The following FGF14 variants were observed in gnomAD, a reference collection of about 807,000 sequenced individuals.
FGF14 encodes fibroblast growth factor homologous factor 4.
FGF14 carries 5 observed loss-of-function variants against 25.5 expected under a neutral mutation model. The observed-to-expected ratio is 0.20, with a 90% CI of 0.10 to 0.41. The LOEUF (loss-of-function observed/expected upper bound fraction) is 0.41, where lower values mean the gene tolerates loss of function less well. Among genes scored for constraint, FGF14 ranks in the 10% least tolerant of loss-of-function variants. The pLI, the probability that FGF14 is intolerant of heterozygous loss-of-function variation, is 1.00. For missense variants in FGF14, 222 were observed against 320.1 expected (o/e 0.69, Z 2.34); for synonymous variants, 138 against 118.3 (o/e 1.17, Z -1.08).
chr13:102,062,312 G>C (rs547760621), intron 1 of FGF14, among the ~76,000 whole-genome samples: 1 of 151,208 alleles, frequency 6.6e-6, no homozygotes, highest in South Asian at 2.1e-4. Context: ...ATTCCAAAAA[G>C]GCCAAAAATC....
chr13:102,008,860 A>C (rs946111923), intron 1 of FGF14, among the ~76,000 whole-genome samples: 10 of 152,192 alleles, frequency 6.6e-5, no homozygotes, highest in African/African-American at 2.4e-4. Flanking sequence ...GGGAAAGATC[A>C]AGAAAGTGTC....
At chr13:101,906,182 T>A (rs147513020) in intron 1 of FGF14, among the ~76,000 whole-genome samples, 386 of 152,324 alleles carry the variant, frequency 2.5e-3, no homozygotes, top group African/African-American at 8.9e-3. Flanking sequence ...CAGTCTTCTC[T>A]ACCCCAAGTT....
intron 1 of FGF14, among the ~76,000 whole-genome samples, chr13:102,317,420 C>T (rs2056074452): frequency 6.6e-6 from 1 of 152,010 alleles, no homozygotes; most frequent in Non-Finnish European, 1.5e-5. Flanking sequence ...ATATTATGAA[C>T]CAACTGATAT....
intron 1 of FGF14, among the ~76,000 whole-genome samples, chr13:102,241,836 C>A (rs1257285461): frequency 6.6e-6 from 1 of 152,064 alleles, no homozygotes; most frequent in African/African-American, 2.4e-5. Flanking sequence ...TAGCTCCTGC[C>A]AGGAAGTCTT....
At chr13:102,390,626 G>C (rs1295543414) in intron 1 of FGF14, among the ~76,000 whole-genome samples, 3 of 152,092 alleles carry the variant, frequency 2.0e-5, no homozygotes, top group Non-Finnish European at 1.5e-5. Context: ...TCATGCTTGG[G>C]CTTCATAATT....
chr13:102,028,509 G>A (rs747192455), intron 1 of FGF14, among the ~76,000 whole-genome samples: 10 of 151,992 alleles, frequency 6.6e-5, no homozygotes, highest in African/African-American at 1.2e-4. Flanking sequence ...TAAGTACCCA[G>A]GTAATGGTAT....
intron 3 of FGF14, among the ~76,000 whole-genome samples, chr13:101,780,887 C>T (rs1014036476): frequency 2.0e-5 from 3 of 152,108 alleles, no homozygotes; most frequent in African/African-American, 7.2e-5. Context: ...CCGAAGCAGA[C>T]GGCTCCTTGC....
chr13:101,928,500 C>T (rs1055356632), intron 1 of FGF14, among the ~76,000 whole-genome samples: 13 of 151,724 alleles, frequency 8.6e-5, no homozygotes, highest in African/African-American at 2.4e-4. Flanking sequence ...CAATTTTATT[C>T]GTTTATGGCT....
In FGF14 at chr13:101,785,970, A is replaced by G. The variant is rs11840721; in HGVS notation, c.409-59160T>C. Among the ~76,000 whole-genome samples the G allele has an allele frequency of 8.0e-3, 1,217 of 152,328 alleles. 19 individuals are homozygous for G. The highest frequency in any genetic ancestry group is 0.028 in the African/African-American group (1,160 of 41,570). ...ACTGAACTGGACATAAGATTCATCC[A>G]TGTTCCTGAAGACCCTTCTCTGCCA... On this transcript the variant is annotated intron_variant, in intron 3 of 4. Transcript: ENST00000376143.
chr13:101,977,376 C>T (rs1318948180), intron 1 of FGF14, among the ~76,000 whole-genome samples: 2 of 152,088 alleles, frequency 1.3e-5, no homozygotes, highest in Admixed American at 6.5e-5. Context: ...TCTACTTCTC[C>T]CCCATTGTGA....
chr13:101,724,178 C>T (rs888556350), intron 4 of FGF14, among the ~76,000 whole-genome samples: 2 of 152,028 alleles, frequency 1.3e-5, no homozygotes, highest in Non-Finnish European at 2.9e-5. Context: ...GAAGCATTGA[C>T]CTTGATTTTC....
chr13:101,932,628 T>C (rs2034836442), intron 1 of FGF14, among the ~76,000 whole-genome samples: 1 of 151,828 alleles, frequency 6.6e-6, no homozygotes, highest in African/African-American at 2.4e-5. Context: ...AAGCTTTGTT[T>C]CTTGAGCCAC....
chr13:102,323,954 AGTATGT>A (rs1331120936), intron 1 of FGF14, among the ~76,000 whole-genome samples: 5 of 103,854 alleles, frequency 4.8e-5, no homozygotes, highest in African/African-American at 1.1e-4. Flanking sequence ...CCCAACGTGC[AGTATGT>A]GTGTGTGTGT....
rs376899896 is a variant in FGF14 at position 101,945,689 on chromosome 13, G to A, written c.209-70393C>T. 8.5e-5 allele frequency among the ~76,000 whole-genome samples: 13 copies of A among 152,298 alleles called. No individual in the cohort carries two copies. In the East Asian group the frequency reaches 1.4e-3, roughly 16 times the overall value. On this transcript the variant is annotated intron_variant, in intron 1 of 4. Transcript: ENST00000376131. ...TTCTGTCTGCACTCCCACAAAACCA[G>A]GGACAGCATCCTCATCCCTACCTCC...
chr13:102,303,797 G>T (rs984587654), intron 1 of FGF14, among the ~76,000 whole-genome samples: 1 of 152,130 alleles, frequency 6.6e-6, no homozygotes. Flanking sequence ...TGACCTTAGT[G>T]TACATTAAAC....
intron 1 of FGF14, among the ~76,000 whole-genome samples, chr13:102,218,678 C>G (rs2050480867): frequency 6.6e-6 from 1 of 151,980 alleles, no homozygotes; most frequent in Non-Finnish European, 1.5e-5. Flanking sequence ...TAATCTTTTT[C>G]TTTTCGCCTG....
intron 3 of FGF14, among the ~76,000 whole-genome samples, chr13:101,733,303 A>G (rs1242522790): frequency 6.6e-6 from 1 of 152,146 alleles, no homozygotes; most frequent in Non-Finnish European, 1.5e-5. Context: ...GTACGAGTTT[A>G]AGAGACAACT....
intron 1 of FGF14, among the ~76,000 whole-genome samples, chr13:102,115,278 T>C (rs1056524295): frequency 6.6e-6 from 1 of 152,090 alleles, no homozygotes; most frequent in Non-Finnish European, 1.5e-5. Context: ...TCCCCGCTTG[T>C]CCCCACCCTC....
chr13:102,177,170 A>G (rs2048484068), intron 1 of FGF14, among the ~76,000 whole-genome samples: 1 of 152,210 alleles, frequency 6.6e-6, no homozygotes, highest in Admixed American at 6.5e-5. Context: ...ATACGTCTTC[A>G]TAGAGCTTAG....
Sources: gnomAD v4.1 joint callset for allele counts (sites outside exome capture counted in the v4.1 genomes callset) on GRCh38, gnomAD v4.1.1 for gene constraint, MANE v1.5 for transcripts, NCBI Gene and HGNC (gene_info 2026-07-23, HGNC 2026-07-21) for gene names.